The following RGS7 variants were observed in gnomAD, a reference collection of about 807,000 sequenced individuals.
The protein encoded by RGS7 is regulator of G-protein signaling 7.
A neutral mutation model predicts 81.1 loss-of-function variants in RGS7; 27 were observed. The ratio of observed to expected loss-of-function variants is 0.33; its 90% confidence interval spans 0.25 to 0.46. The LOEUF (loss-of-function observed/expected upper bound fraction) is 0.46. RGS7 is among the 20% of genes least tolerant of loss of function. The probability of loss-of-function intolerance (pLI) is 1.00; values close to 1 mark genes in which losing one functional copy is unlikely to be tolerated. For synonymous variants in RGS7, 208 were observed against 207.7 expected (o/e 1.00, Z -0.01); for missense variants, 396 against 607.4 (o/e 0.65, Z 3.66).
intron 3 of RGS7, among the ~76,000 whole-genome samples, chr1:241,059,885 G>T (rs1306289630): frequency 6.6e-6 from 1 of 150,544 alleles, no homozygotes; most frequent in Non-Finnish European, 1.5e-5. Context: ...ACAGTAAATG[G>T]ATCTACACTC....
intron 18 of RGS7, among the ~76,000 whole-genome samples, chr1:240,789,907 C>A (rs1685694894): frequency 6.6e-6 from 1 of 152,178 alleles, no homozygotes; most frequent in Admixed American, 6.5e-5. Context: ...TTGAAAATCA[C>A]TAATAAAAAC....
intron 2 of RGS7, among the ~76,000 whole-genome samples, chr1:241,167,498 C>G (rs2070354700): frequency 6.6e-6 from 1 of 151,846 alleles, no homozygotes; most frequent in African/African-American, 2.4e-5. Flanking sequence ...TCCACAGGGA[C>G]AGCTGTACTC....
intron 4 of RGS7, among the ~76,000 whole-genome samples, chr1:240,953,574 T>C (rs943591094): frequency 2.0e-5 from 3 of 151,970 alleles, no homozygotes; most frequent in African/African-American, 4.8e-5. Context: ...TCAAAACAGG[T>C]GGACTGCAGC....
intron 2 of RGS7, among the ~76,000 whole-genome samples, chr1:241,194,596 G>T (rs1558176898): frequency 2.0e-5 from 3 of 152,142 alleles, no homozygotes. Flanking sequence ...CAAGGCTTTT[G>T]TTCTTTAAAA....
chr1:241,211,064 C>G (rs913382614), intron 2 of RGS7, among the ~76,000 whole-genome samples: 2 of 152,166 alleles, frequency 1.3e-5, no homozygotes, highest in Non-Finnish European at 2.9e-5. Flanking sequence ...AAGGATGGAT[C>G]ACCTGAGGTG....
Position 240,971,898 on chromosome 1 carries a change from G to T in RGS7, c.226+11181C>A, listed in dbSNP as rs566921352. ...TTTGTAGGTTTATAGGTTTGTAAGGGTCTTAATGGTTATTTGCAAGGGATA... is the reference window on the plus strand; with the variant it reads ...TTTGTAGGTTTATAGGTTTGTAAGGTTCTTAATGGTTATTTGCAAGGGATA... On this transcript the variant is annotated intron_variant, in intron 4 of 18. Coordinates refer to ENST00000440928, the MANE Select transcript of RGS7 (RefSeq NM_001364886.1). Among the ~76,000 whole-genome samples, 76 of 152,234 alleles carry T rather than the reference G, an allele frequency of 5.0e-4. 3 individuals carry two copies. Among genetic ancestry groups the T allele is most frequent in the African/African-American group, 1.7e-3 (71 of 41,546 alleles).
chr1:240,913,449 G>A (rs571837060), intron 6 of RGS7, among the ~76,000 whole-genome samples: 13 of 152,216 alleles, frequency 8.5e-5, no homozygotes, highest in East Asian at 1.9e-4. Flanking sequence ...GAATATTTTC[G>A]AAAGGAGTAG....
At chr1:241,322,807 C>T (rs1410158870) in intron 2 of RGS7, among the ~76,000 whole-genome samples, 1 of 152,104 alleles carries the variant, frequency 6.6e-6, no homozygotes, top group African/African-American at 2.4e-5. Context: ...TCACCAATAG[C>T]CTTACCTTTT....
intron 4 of RGS7, among the ~76,000 whole-genome samples, chr1:240,951,363 A>G (rs1374561619): frequency 6.6e-6 from 1 of 152,242 alleles, no homozygotes; most frequent in East Asian, 1.9e-4. Flanking sequence ...ATTGTAATTA[A>G]TATGTTAGGG....
chr1:240,815,671 A>C (rs1312072783), intron 11 of RGS7, among the ~76,000 whole-genome samples: 1 of 152,208 alleles, frequency 6.6e-6, no homozygotes, highest in East Asian at 1.9e-4. Context: ...TTATAATAAA[A>C]TATCAGAGGA....
At chr1:240,922,888 C>CA (rs1023331573) in intron 6 of RGS7, among the ~76,000 whole-genome samples, 3 of 152,016 alleles carry the variant, frequency 2.0e-5, no homozygotes, top group South Asian at 2.1e-4. Flanking sequence ...CTTATGTCTT[C>CA]AAAAAAATTC....
chr1:240,822,129 T>C (rs1691907849), intron 10 of RGS7, among the ~76,000 whole-genome samples: 1 of 152,182 alleles, frequency 6.6e-6, no homozygotes, highest in South Asian at 2.1e-4. Context: ...CCCTTCACAA[T>C]GCGGGTGGGC....
At position 241,044,596 on chromosome 1, in the gene RGS7, A is replaced by AT. The variant is rs745309934; in HGVS notation, c.175+54069dup. On this transcript the variant is annotated intron_variant, in intron 3 of 18. Coordinates refer to ENST00000440928, the MANE Select transcript of RGS7 (RefSeq NM_001364886.1). ...GCCACCATGCTCAGCTAATTTTAAA[A>AT]TTTATTTATTTTTTTTGTAGAGATA... Among the ~76,000 whole-genome samples the AT allele has an allele frequency of 8.9e-3, 1,338 of 150,798 alleles. 20 individuals carry two copies. The highest frequency in any genetic ancestry group is 0.032 in the African/African-American group (1,297 of 40,530).
chr1:241,156,099 CACA>C (rs2069110973), intron 2 of RGS7, among the ~76,000 whole-genome samples: 2 of 151,580 alleles, frequency 1.3e-5, no homozygotes, highest in South Asian at 4.2e-4. Flanking sequence ...CACACACACA[CACA>C]CCTGAGATAG....
intron 2 of RGS7, among the ~76,000 whole-genome samples, chr1:241,152,792 G>C (rs1312359684): frequency 6.6e-6 from 1 of 152,206 alleles, no homozygotes; most frequent in Non-Finnish European, 1.5e-5. Flanking sequence ...CAACGTTCCA[G>C]GGGCTGAGCC....
chr1:241,252,655 A>G (rs1006649295), intron 2 of RGS7, among the ~76,000 whole-genome samples: 1 of 152,190 alleles, frequency 6.6e-6, no homozygotes, highest in Admixed American at 6.5e-5. Context: ...GACCATCCTC[A>G]GGTCTCCTGC....
At chr1:241,081,439 C>T (rs139404636) in intron 3 of RGS7, among the ~76,000 whole-genome samples, 3 of 152,354 alleles carry the variant, frequency 2.0e-5, no homozygotes, top group African/African-American at 7.2e-5. Flanking sequence ...TTTTATGCCA[C>T]TCCTTAACCT....
chr1:241,081,199 C>A lies in RGS7; in HGVS notation c.175+17467G>T, dbSNP rs78914972. Among the ~76,000 whole-genome samples the A allele has an allele frequency of 4.9e-3, 745 of 152,316 alleles. 9 individuals are homozygous for A. The highest frequency in any genetic ancestry group is 0.016 in the African/African-American group (678 of 41,580). On this transcript the variant is annotated intron_variant, in intron 3 of 18. Coordinates refer to ENST00000440928, the MANE Select transcript of RGS7 (RefSeq NM_001364886.1). Reference sequence around the variant, plus strand: ...TATTTTCTATGTGGGTCAACTGGATCTCTCTTGATAACTTTCTGTTCTTCA... The same window carrying A: ...TATTTTCTATGTGGGTCAACTGGATATCTCTTGATAACTTTCTGTTCTTCA...
chr1:241,066,118 T>G (rs571499518), intron 3 of RGS7, among the ~76,000 whole-genome samples: 1 of 152,344 alleles, frequency 6.6e-6, no homozygotes, highest in Admixed American at 6.5e-5. Context: ...ATTCATCTCA[T>G]CTAATGCAAG....
Sources: gnomAD v4.1 joint callset for allele counts (sites outside exome capture counted in the v4.1 genomes callset) on GRCh38, gnomAD v4.1.1 for gene constraint, MANE v1.5 for transcripts, NCBI Gene and HGNC (gene_info 2026-07-23, HGNC 2026-07-21) for gene names.